Variants in C11orf71 observed in about 807,000 individuals in gnomAD.
C11orf71 encodes the protein chromosome 11 open reading frame 71, also known as uncharacterized protein C11orf71.
For synonymous variants in C11orf71, 72 were observed against 73.4 expected, an observed-to-expected ratio of 0.98 and a Z score of 0.09; for missense variants, 179 against 167.6, an observed-to-expected ratio of 1.07 and a Z score of -0.38.
rs773177096 is a variant in C11orf71, at chr11:114,400,205, C to G, written c.127G>C (p.Val43Leu). 6.2e-7 allele frequency: 1 copy of G among 1,613,242 alleles called. No individual in the cohort carries two copies. The highest frequency in any genetic ancestry group is 2.2e-5 in the East Asian group (1 of 44,856). The change falls in exon 1 of 1, where the codon GTT becomes CTT. Residue 43 changes from valine (V) to leucine (L), a missense_variant. By Grantham distance (32) the Val-to-Leu change is conservative. Coordinates refer to ENST00000623205, the MANE Select transcript of C11orf71 (RefSeq NM_001271562.2). ...LAMVSGDGFL[V>L]SRPEAIHLGP... is the part of the protein sequence containing the mutation. ...AGATGAATCGCTTCAGGCCTGGAAA[C>G]GAGGAAGCCGTCTCCGGAGACCATC... is the stretch of plus-strand genomic sequence containing the variant.
downstream of C11orf71, among the ~76,000 whole-genome samples, chr11:114,396,311 C>T (rs542483620): frequency 1.3e-4 from 20 of 152,268 alleles, no homozygotes; most frequent in African/African-American, 3.6e-4. Context: ...TTTAACATGC[C>T]CTTACACATT....
chr11:114,392,586 C>T (rs1196490916), intron 1 of C11orf71, among the ~76,000 whole-genome samples: 10 of 146,434 alleles, frequency 6.8e-5, no homozygotes, highest in African/African-American at 2.5e-4. Flanking sequence ...AAAACATTAG[C>T]TGGGTATGGT....
chr11:114,394,253 T>TTTTC (rs1565256639), downstream of C11orf71, among the ~76,000 whole-genome samples: 106 of 66,556 alleles, frequency 1.6e-3, no homozygotes, highest in African/African-American at 8.4e-3. Context: ...TTTTCTTTTC[T>TTTTC]TTTCTTTTCT....
At position 114,400,232 on chromosome 11, in the gene C11orf71, C is replaced by T; in HGVS notation, c.100G>A (p.Ala34Thr). 1 of 1,612,062 alleles carries T rather than the reference C, an allele frequency of 6.2e-7. No individual in the cohort carries two copies. The highest frequency in any genetic ancestry group is 1.1e-5 in the South Asian group (1 of 90,800). The change falls in exon 1 of 1, where the codon GCG (alanine) becomes ACG (threonine). Residue 34 changes from alanine to threonine, a missense_variant. Coordinates refer to ENST00000623205, the MANE Select transcript of C11orf71 (RefSeq NM_001271562.2). ...AGGAAGCCGTCTCCGGAGACCATCG[C>T]CAACGCTGACGCCCGCGGTCTGAGG... ...GDLRPRASALAMVSGDGFLVS... is the reference protein window; with the variant it reads ...GDLRPRASALTMVSGDGFLVS...
At position 114,399,578 on chromosome 11, in the gene C11orf71, G is replaced by A; in HGVS notation, c.*382C>T. On this transcript the variant is annotated 3_prime_UTR_variant, in exon 1 of 1. Coordinates refer to ENST00000623205, the MANE Select transcript of C11orf71 (RefSeq NM_001271562.2). Reference sequence around the variant, plus strand: ...GAGATGGAAGATGGTAAATGCCAAGGAAAAGATGGAAGGATAAATCAGTGT... The same window carrying A: ...GAGATGGAAGATGGTAAATGCCAAGAAAAAGATGGAAGGATAAATCAGTGT... 1 of 174,220 alleles carries A rather than the reference G, an allele frequency of 5.7e-6. No homozygotes were observed. Among genetic ancestry groups the A allele is most frequent in the Non-Finnish European group, 1.2e-5 (1 of 81,652 alleles). The allele number at this position is 174,220 out of a possible 1,614,324, so 10.8% of individuals were successfully genotyped here.
At chr11:114,394,246 T>TCTTTTC (rs1946105181), downstream of C11orf71, among the ~76,000 whole-genome samples, 2 of 63,392 alleles carry the variant, frequency 3.2e-5, no homozygotes, top group Admixed American at 4.1e-4. Flanking sequence ...TCTTTTCTTT[T>TCTTTTC]CTTTTCTTTT....
In C11orf71 at chr11:114,399,912, A is replaced by T. The variant is rs774865814; in HGVS notation, c.*48T>A. On this transcript the variant is annotated 3_prime_UTR_variant, in exon 1 of 1. Coordinates refer to ENST00000623205, the MANE Select transcript of C11orf71 (RefSeq NM_001271562.2). The stretch of plus-strand genomic sequence containing the variant: ...GCTGCTACACCAAGAAAGGATTTTA[A>T]AAAGGCCTGTTCACAAGCTAAGTGA... The T allele has an allele frequency of 6.6e-7, 1 of 1,519,136 alleles. No individual in the cohort carries two copies. Among genetic ancestry groups the T allele is most frequent in the Admixed American group, 2.2e-5 (1 of 44,500 alleles). The allele number at this position is 1,519,136 out of a possible 1,614,324, so 94.1% of individuals were successfully genotyped here.
chr11:114,394,272 CTT>C (rs1169804475), downstream of C11orf71, among the ~76,000 whole-genome samples: 23 of 64,570 alleles, frequency 3.6e-4, 3 homozygotes, highest in East Asian at 2.7e-3. Flanking sequence ...CTTTTCTTTT[CTT>C]TTCTTTTCTT....
chr11:114,398,173 C>T (rs977853647), downstream of C11orf71, among the ~76,000 whole-genome samples: 2 of 152,138 alleles, frequency 1.3e-5, no homozygotes, highest in Admixed American at 1.3e-4. Context: ...TTCTTCTTCC[C>T]CAGTCTAACA....
chr11:114,397,214 GA>G (rs1358493062), downstream of C11orf71, among the ~76,000 whole-genome samples: 1 of 152,096 alleles, frequency 6.6e-6, no homozygotes, highest in Non-Finnish European at 1.5e-5. Flanking sequence ...AATTGTTTGG[GA>G]CAATTCTTAG....
chr11:114,394,245 TTC>T (rs1946105082), downstream of C11orf71, among the ~76,000 whole-genome samples: 1 of 61,858 alleles, frequency 1.6e-5, no homozygotes, highest in Non-Finnish European at 2.6e-5. Context: ...TTCTTTTCTT[TTC>T]TTTTCTTTTC....
intron 1 of C11orf71, chr11:114,391,674 C>A: frequency 1.0e-5 from 13 of 1,293,960 alleles, no homozygotes; most frequent in Non-Finnish European, 1.3e-5. Context: ...AACTAAAATA[C>A]ACAAAATGGA....
chr11:114,395,690 G>A (rs1344792960), downstream of C11orf71, among the ~76,000 whole-genome samples: 1 of 152,210 alleles, frequency 6.6e-6, no homozygotes, highest in African/African-American at 2.4e-5. Flanking sequence ...GCACTCACCT[G>A]TATTCATCAG....
chr11:114,398,329 ATAGT>A (rs879558620), downstream of C11orf71, among the ~76,000 whole-genome samples: 3 of 152,200 alleles, frequency 2.0e-5, no homozygotes, highest in Admixed American at 2.0e-4. Flanking sequence ...AATTGAGAAA[ATAGT>A]TACTCAAGTC....
At chr11:114,392,524 T>C (rs1946080160) in intron 1 of C11orf71, among the ~76,000 whole-genome samples, 1 of 42,424 alleles carries the variant, frequency 2.4e-5, no homozygotes, top group Non-Finnish European at 4.0e-5. Context: ...GGTGATAGAA[T>C]GAGACAAAAA....
downstream of C11orf71, among the ~76,000 whole-genome samples, chr11:114,394,290 T>TGTTC (rs1267008042): frequency 1.2e-3 from 37 of 30,738 alleles, no homozygotes; most frequent in African/African-American, 8.9e-3. Flanking sequence ...TTCTTTTCTC[T>TGTTC]TATTTTCTTT....
chr11:114,399,051 T>C lies in C11orf71; in HGVS notation c.*909A>G, dbSNP rs1946152387. On this transcript the variant is annotated 3_prime_UTR_variant, in exon 1 of 1. Transcript: ENST00000623205. ...GAACCAGGATAGTGCAGTATTATGA[T>C]GAAAAAAAAAAAAAAAAAGTCACTG... The C allele has an allele frequency of 2.0e-5, 2 of 102,238 alleles. No individual in the cohort carries two copies. The highest frequency in any genetic ancestry group is 4.2e-5 in the African/African-American group (1 of 23,674). The allele number at this position is 102,238 out of a possible 1,614,324, so 6.3% of individuals were successfully genotyped here.
chr11:114,394,233 T>TTTCCTTTCC (rs1565256526), downstream of C11orf71, among the ~76,000 whole-genome samples: 4 of 37,732 alleles, frequency 1.1e-4, no homozygotes, highest in South Asian at 7.7e-4. Flanking sequence ...CTTTTCTTTC[T>TTTCCTTTCC]TTTCTTTTCT....
chr11:114,394,238 T>C (rs866831322), downstream of C11orf71, among the ~76,000 whole-genome samples: 2,556 of 49,584 alleles, frequency 0.052, 124 homozygotes, highest in Non-Finnish European at 0.059. Context: ...CTTTCTTTTC[T>C]TTTCTTTTCT....
Sources: allele counts gnomAD v4.1 joint callset (sites outside exome capture counted in the v4.1 genomes callset), GRCh38; gene constraint gnomAD v4.1.1; transcripts MANE v1.5; gene names NCBI Gene and HGNC (gene_info 2026-07-23, HGNC 2026-07-21).